DSCAML1: variants seen among roughly 807,000 people sequenced by gnomAD.
DSCAML1 encodes cell adhesion molecule DSCAML1.
DSCAML1 carries 38 observed loss-of-function variants against 200.5 expected under a neutral mutation model. That is an observed-to-expected ratio of 0.19 (90% CI 0.15 to 0.25). The LOEUF (loss-of-function observed/expected upper bound fraction) is 0.25. DSCAML1 is among the 10% of genes least tolerant of loss of function. The pLI, the probability that DSCAML1 is intolerant of heterozygous loss-of-function variation, is 1.00. For missense variants in DSCAML1, 2,223 were observed against 2,858.8 expected, an observed-to-expected ratio of 0.78 and a Z score of 5.07; for synonymous variants, 1,215 against 1,165.0, an observed-to-expected ratio of 1.04 and a Z score of -0.87.
At chr11:117,512,567 G>A (rs578228680) in intron 8 of DSCAML1, among the ~76,000 whole-genome samples, 113 of 152,052 alleles carry the variant, frequency 7.4e-4, no homozygotes, top group African/African-American at 2.7e-3. Context: ...GACTACACCC[G>A]CCTCAGGGCT....
intron 3 of DSCAML1, among the ~76,000 whole-genome samples, chr11:117,540,377 G>T (rs1038647027): frequency 6.6e-6 from 1 of 152,122 alleles, no homozygotes; most frequent in Admixed American, 6.5e-5. Context: ...GATCTGAAAT[G>T]AAACAGTTTC....
Position 117,516,692 on chromosome 11 carries a change from G to T in DSCAML1, c.1558C>A (p.Arg520=), listed in dbSNP as rs1172397068. The change falls in exon 8 of 33, where the codon CGG becomes AGG. Residue 520 remains arginine, a synonymous_variant. Transcript: ENST00000651296. This position sits in a 1 kb window ranked among gnomAD's most constrained non-coding sequence, Gnocchi z 5.7. ...AMRNITAVAG[R]DTLINCRVIG... is the part of the protein sequence containing the mutation. ...ACCCTGCAGTTGATAAGGGTGTCCC[G>T]CCCGGCGACTGCTGTGATGTTCCGC... The T allele has an allele frequency of 1.2e-6, 2 of 1,613,990 alleles. No individual in the cohort carries two copies. The highest frequency in any genetic ancestry group is 1.7e-6 in the Non-Finnish European group (2 of 1,179,978).
intron 11 of DSCAML1, among the ~76,000 whole-genome samples, chr11:117,488,552 C>T (rs2049124417): frequency 6.6e-6 from 1 of 151,946 alleles, no homozygotes. Flanking sequence ...CACACACACA[C>T]ACACCACACA....
At chr11:117,706,612 T>C (rs2053762798) in intron 3 of DSCAML1, among the ~76,000 whole-genome samples, 1 of 152,188 alleles carries the variant, frequency 6.6e-6, no homozygotes, top group African/African-American at 2.4e-5. Flanking sequence ...GCCGTGCAAA[T>C]GCCGTGTGTC....
In DSCAML1 at chr11:117,802,534, C is replaced by T. The variant is rs553194789; in HGVS notation, c.-250+14856G>A. Among the ~76,000 whole-genome samples the T allele has an allele frequency of 3.0e-4, 45 of 152,306 alleles. 1 individual carries two copies. In the South Asian group the frequency reaches 8.9e-3, roughly 30 times the overall value. On this transcript the variant is annotated intron_variant, in intron 1 of 2. Transcript: ENST00000525836. ...TAGCAGATATCTGATTACAGCCTCACGTGCCATGCCTTCCAGAGAGATGTC... is the reference window on the plus strand; with the variant it reads ...TAGCAGATATCTGATTACAGCCTCATGTGCCATGCCTTCCAGAGAGATGTC...
At chr11:117,775,796 C>T (rs1001142602) in intron 3 of DSCAML1, among the ~76,000 whole-genome samples, 3 of 152,070 alleles carry the variant, frequency 2.0e-5, no homozygotes, top group Admixed American at 6.5e-5. Context: ...GGGTAGCAGG[C>T]TTAAGAACCC....
intron 3 of DSCAML1, among the ~76,000 whole-genome samples, chr11:117,766,612 G>C (rs2054901576): frequency 6.6e-6 from 1 of 152,216 alleles, no homozygotes; most frequent in African/African-American, 2.4e-5. Context: ...ACCAAACAAT[G>C]CTGCTTGCTC....
chr11:117,551,547 T>G (rs599411), intron 3 of DSCAML1, among the ~76,000 whole-genome samples: 41,380 of 152,058 alleles, frequency 0.27, 5,946 homozygotes, highest in South Asian at 0.45. Flanking sequence ...GCGTGTTGGG[T>G]GCAGGGTAGA....
At chr11:117,515,538 G>A (rs2049742963) in intron 8 of DSCAML1, among the ~76,000 whole-genome samples, 1 of 151,274 alleles carries the variant, frequency 6.6e-6, no homozygotes, top group Admixed American at 6.6e-5. Flanking sequence ...GACTTAGTGA[G>A]CGGCTACCCA....
At chr11:117,645,674 C>A (rs1199884409) in intron 3 of DSCAML1, among the ~76,000 whole-genome samples, 1 of 146,062 alleles carries the variant, frequency 6.8e-6, no homozygotes, top group Admixed American at 7.2e-5. Flanking sequence ...ACCGCATATT[C>A]TCACTCATAG....
intron 3 of DSCAML1, among the ~76,000 whole-genome samples, chr11:117,587,845 G>C (rs553842419): frequency 6.6e-6 from 1 of 152,292 alleles, no homozygotes; most frequent in East Asian, 1.9e-4. Context: ...CCTCCCAGGG[G>C]TGTGGGGAGA....
At chr11:117,473,334 TA>T (rs1381720954) in intron 14 of DSCAML1, among the ~76,000 whole-genome samples, 1 of 152,000 alleles carries the variant, frequency 6.6e-6, no homozygotes, top group African/African-American at 2.4e-5. Flanking sequence ...CTGTCTGTAC[TA>T]AAAATACAAA....
chr11:117,766,350 A>C (rs1041763488), intron 3 of DSCAML1, among the ~76,000 whole-genome samples: 1 of 152,250 alleles, frequency 6.6e-6, no homozygotes, highest in Non-Finnish European at 1.5e-5. Flanking sequence ...GCAATACTGC[A>C]TGTTTGCGAT....
intron 6 of DSCAML1, among the ~76,000 whole-genome samples, chr11:117,520,843 T>A (rs1223967489): frequency 6.6e-6 from 1 of 152,072 alleles, no homozygotes; most frequent in African/African-American, 2.4e-5. Flanking sequence ...GGTGGGAGGA[T>A]TGCTTGAGCC....
chr11:117,577,486 C>T (rs867991824), intron 3 of DSCAML1, among the ~76,000 whole-genome samples: 17 of 29,872 alleles, frequency 5.7e-4, no homozygotes, highest in African/African-American at 1.4e-3. Context: ...TCCTTCCTTC[C>T]TTCCTTCCTT....
At chr11:117,787,727 C>T (rs2055384863) in intron 1 of DSCAML1, among the ~76,000 whole-genome samples, 1 of 152,212 alleles carries the variant, frequency 6.6e-6, no homozygotes, top group African/African-American at 2.4e-5. Context: ...AAGAAAACAA[C>T]AGTGGTAGAA....
intron 1 of DSCAML1, among the ~76,000 whole-genome samples, chr11:117,816,615 G>A (rs1042761930): frequency 1.3e-5 from 2 of 152,142 alleles, no homozygotes; most frequent in Non-Finnish European, 1.5e-5. Flanking sequence ...AGTCTGGGAG[G>A]AGACGCTACA....
intron 3 of DSCAML1, among the ~76,000 whole-genome samples, chr11:117,760,260 G>A (rs548055077): frequency 6.6e-6 from 1 of 152,170 alleles, no homozygotes; most frequent in Non-Finnish European, 1.5e-5. Context: ...TCTTCAGATC[G>A]TTTTTAGAAG....
At position 117,437,946 on chromosome 11, in the gene DSCAML1, C is replaced by A. The variant is rs1440697653; in HGVS notation, c.4381G>T (p.Val1461Leu). The A allele has an allele frequency of 4.3e-6, 7 of 1,613,652 alleles. No individual in the cohort carries two copies. Among genetic ancestry groups the A allele is most frequent in the Non-Finnish European group, 5.1e-6 (6 of 1,180,016 alleles). The change falls in exon 25 of 33, where the codon GTG becomes TTG. Residue 1461 changes from valine to leucine, a missense_variant. Transcript: ENST00000651296. This position sits in a 1 kb window ranked among gnomAD's most constrained non-coding sequence, Gnocchi z 5.3. ...YKVKLAAKNSVGSGRISEIIE... is the reference protein window; with the variant it reads ...YKVKLAAKNSLGSGRISEIIE... The stretch of plus-strand genomic sequence containing the variant: ...ATCTCGCTGATGCGCCCAGAGCCCA[C>A]GCTGTTCTTGGCTGCCAGCTTCACC...
Sources: gnomAD v4.1 joint callset for allele counts (sites outside exome capture counted in the v4.1 genomes callset) on GRCh38, gnomAD v4.1.1 for gene constraint, Gnocchi (gnomAD v3.1) non-coding constraint, MANE v1.5 for transcripts, NCBI Gene and HGNC (gene_info 2026-07-23, HGNC 2026-07-21) for gene names.